Variants in EYS observed in about 807,000 individuals in gnomAD.
EYS encodes the protein protein eyes shut homolog.
EYS carries 250 observed loss-of-function variants against 282.1 expected under a neutral mutation model. That is an observed-to-expected ratio of 0.89 (90% confidence interval 0.80 to 0.98). The LOEUF (loss-of-function observed/expected upper bound fraction) is 0.98, where lower values mean the gene tolerates loss of function less well. EYS is among the 50% of genes least tolerant of loss of function. The pLI, the probability that EYS is intolerant of heterozygous loss-of-function variation, is 0.00. For missense variants in EYS, 4,016 were observed against 3,709.0 expected, an observed-to-expected ratio of 1.08 and a Z score of -2.15; for synonymous variants, 1,355 against 1,282.9, an observed-to-expected ratio of 1.06 and a Z score of -1.20.
intron 30 of EYS, among the ~76,000 whole-genome samples, chr6:64,270,186 A>G (rs1351797540): frequency 6.6e-6 from 1 of 152,082 alleles, no homozygotes; most frequent in Non-Finnish European, 1.5e-5. Context: ...TGCTATTTAT[A>G]TGCACTACTC....
At chr6:65,366,783 G>T (rs759836442) in intron 8 of EYS, among the ~76,000 whole-genome samples, 2 of 151,574 alleles carry the variant, frequency 1.3e-5, no homozygotes, top group African/African-American at 2.4e-5. Flanking sequence ...GGATTCTTCT[G>T]CAGGTTCTGA....
At chr6:64,642,993 T>G (rs1282931517) in intron 22 of EYS, among the ~76,000 whole-genome samples, 1 of 152,148 alleles carries the variant, frequency 6.6e-6, no homozygotes, top group Non-Finnish European at 1.5e-5. Flanking sequence ...CACATGCCTC[T>G]AATCCCAGCT....
At chr6:64,662,615 A>G (rs1769079756) in intron 22 of EYS, among the ~76,000 whole-genome samples, 1 of 152,200 alleles carries the variant, frequency 6.6e-6, no homozygotes. Context: ...GTCTGTTTGT[A>G]TAATAGTTTG....
chr6:65,235,498 A>G (rs1053167842), intron 12 of EYS, among the ~76,000 whole-genome samples: 6 of 152,104 alleles, frequency 3.9e-5, no homozygotes, highest in Non-Finnish European at 8.8e-5. Flanking sequence ...CACATATCAT[A>G]TTTCTCCTTT....
chr6:64,710,415 C>A (rs940398471), intron 22 of EYS, among the ~76,000 whole-genome samples: 2 of 152,190 alleles, frequency 1.3e-5, no homozygotes, highest in Non-Finnish European at 2.9e-5. Flanking sequence ...ACCAATTCAC[C>A]TCAGCCTTTC....
At chr6:64,619,548 C>A (rs1767380423) in intron 23 of EYS, among the ~76,000 whole-genome samples, 1 of 152,148 alleles carries the variant, frequency 6.6e-6, no homozygotes, top group Non-Finnish European at 1.5e-5. Flanking sequence ...GCCACCTGTA[C>A]TTGCTGTCTC....
At chr6:64,010,376 C>CTGTG (rs35212075) in intron 33 of EYS, among the ~76,000 whole-genome samples, 25 of 118,038 alleles carry the variant, frequency 2.1e-4, no homozygotes, top group Non-Finnish European at 2.7e-4. Flanking sequence ...GTGGCATTGG[C>CTGTG]TGTGTGTGTG....
At chr6:65,115,253 A>G (rs1775333157) in intron 12 of EYS, among the ~76,000 whole-genome samples, 2 of 152,080 alleles carry the variant, frequency 1.3e-5, no homozygotes, top group African/African-American at 2.4e-5. Context: ...AAAAAATTTT[A>G]TACAAAGTAT....
intron 26 of EYS, among the ~76,000 whole-genome samples, chr6:64,450,926 C>G (rs564049279): frequency 2.8e-4 from 43 of 151,720 alleles, no homozygotes; most frequent in Non-Finnish European, 2.4e-4. Context: ...AAATTGAGAC[C>G]CTAACATCAA....
chr6:63,757,096 G>C lies in EYS; in HGVS notation c.8071+5365C>G, dbSNP rs147924853. ...ACTGCCTGCAGGGTCCGGCAGAATAGAGCCATATTTTTCTTCTTGCAGAGA... is the reference window on the plus strand; with the variant it reads ...ACTGCCTGCAGGGTCCGGCAGAATACAGCCATATTTTTCTTCTTGCAGAGA... On this transcript the variant is annotated intron_variant, in intron 41 of 42. Transcript: ENST00000503581. 2.2e-3 allele frequency among the ~76,000 whole-genome samples: 335 copies of C among 152,248 alleles called. 2 individuals are homozygous for C. The highest frequency in any genetic ancestry group is 6.5e-3 in the African/African-American group (270 of 41,562).
intron 36 of EYS, among the ~76,000 whole-genome samples, chr6:63,838,241 T>G (rs1408730690): frequency 2.0e-5 from 3 of 152,074 alleles, no homozygotes; most frequent in Non-Finnish European, 4.4e-5. Flanking sequence ...TTTTCTGTCT[T>G]TTAGCCTGCC....
intron 34 of EYS, among the ~76,000 whole-genome samples, chr6:63,996,131 T>C (rs1767824903): frequency 6.6e-6 from 1 of 151,852 alleles, no homozygotes; most frequent in Non-Finnish European, 1.5e-5. Flanking sequence ...GTAGATATTA[T>C]GGAATATTCA....
At chr6:64,574,564 C>T (rs1562070140) in intron 26 of EYS, among the ~76,000 whole-genome samples, 1 of 152,058 alleles carries the variant, frequency 6.6e-6, no homozygotes, top group Admixed American at 6.6e-5. Flanking sequence ...TCCAAAGCTA[C>T]CTTGAGTCAA....
intron 31 of EYS, among the ~76,000 whole-genome samples, chr6:64,173,625 C>T (rs1040415100): frequency 2.0e-5 from 3 of 152,018 alleles, no homozygotes; most frequent in African/African-American, 4.8e-5. Context: ...GTGGTACTAC[C>T]AACAATCTAT....
chr6:63,760,555 G>A (rs940946851), intron 41 of EYS, among the ~76,000 whole-genome samples: 1 of 151,808 alleles, frequency 6.6e-6, no homozygotes, highest in African/African-American at 2.4e-5. Context: ...CCCATTTTCT[G>A]GCACCTTTAA....
chr6:65,677,200 T>G (rs556734747), intron 1 of EYS, among the ~76,000 whole-genome samples: 1 of 149,622 alleles, frequency 6.7e-6, no homozygotes, highest in Non-Finnish European at 1.5e-5. Flanking sequence ...TTCAACATAG[T>G]ACCAGAAGTC....
chr6:64,000,761 A>G (rs1052288846), intron 33 of EYS, among the ~76,000 whole-genome samples: 2 of 152,100 alleles, frequency 1.3e-5, no homozygotes, highest in Non-Finnish European at 2.9e-5. Context: ...AGAATCTGAT[A>G]TGATCCTTCC....
At chr6:64,731,051 A>G (rs1434324649) in intron 22 of EYS, 2 of 152,230 alleles carry the variant, frequency 1.3e-5, no homozygotes, top group Non-Finnish European at 2.9e-5. Flanking sequence ...CATGAACAAG[A>G]TAACTATTTA....
At chr6:65,496,646 A>G (rs116002329) in intron 2 of EYS, among the ~76,000 whole-genome samples, 243 of 152,206 alleles carry the variant, frequency 1.6e-3, no homozygotes, top group African/African-American at 5.6e-3. Flanking sequence ...GGTAGTATTG[A>G]AGATGGAATG....
Sources: allele counts gnomAD v4.1 joint callset (sites outside exome capture counted in the v4.1 genomes callset), GRCh38; gene constraint gnomAD v4.1.1; transcripts MANE v1.5; gene names NCBI Gene and HGNC (gene_info 2026-07-23, HGNC 2026-07-21).